Variants in HDAC4 observed in about 807,000 individuals in gnomAD.
The protein encoded by HDAC4 is histone deacetylase A.
HDAC4 carries 16 observed loss-of-function variants against 135.1 expected under a neutral mutation model. The observed-to-expected ratio is 0.12, with a 90% confidence interval of 0.08 to 0.18. The LOEUF (loss-of-function observed/expected upper bound fraction) is 0.18. HDAC4 is among the 10% of genes least tolerant of loss of function. The pLI is 1.00. For synonymous variants in HDAC4, 685 were observed against 653.4 expected (o/e 1.05, Z -0.74); for missense variants, 1,143 against 1,511.8 (o/e 0.76, Z 4.05).
intron 2 of HDAC4, among the ~76,000 whole-genome samples, chr2:239,292,238 C>A (rs116661852): frequency 0.018 from 2,762 of 152,370 alleles, 40 homozygotes; most frequent in Non-Finnish European, 0.027. Flanking sequence ...AATGCGCTGG[C>A]TCCCAGAGCA....
intron 3 of HDAC4, among the ~76,000 whole-genome samples, chr2:239,195,480 C>T (rs890904186): frequency 9.2e-5 from 14 of 152,330 alleles, no homozygotes; most frequent in East Asian, 1.9e-4. Context: ...GTCCCAGGCC[C>T]GGCCCCACAC....
intron 24 of HDAC4, among the ~76,000 whole-genome samples, chr2:239,056,528 T>A (rs190226248): frequency 2.6e-4 from 40 of 152,332 alleles, no homozygotes; most frequent in Non-Finnish European, 4.6e-4. Flanking sequence ...TATTGAAGCA[T>A]GACCCAAAGT....
Position 239,210,435 on chromosome 2 carries a change from C to A in HDAC4, c.95-20358G>T, listed in dbSNP as rs745563086. ...TATGCTGACTGAGGAAGCATACTTA[C>A]ACGGCAAAACTAGTTTTTTAAAGAA... On this transcript the variant is annotated intron_variant, in intron 3 of 26. Coordinates refer to ENST00000543185, the MANE Select transcript of HDAC4 (RefSeq NM_001378414.1). Among the ~76,000 whole-genome samples the A allele has an allele frequency of 6.2e-4, 95 of 152,330 alleles. 1 individual carries two copies. In the Middle Eastern group the frequency reaches 0.02, roughly 33 times the overall value.
chr2:239,378,645 C>T (rs965815218), intron 1 of HDAC4, among the ~76,000 whole-genome samples: 9 of 152,024 alleles, frequency 5.9e-5, no homozygotes, highest in Non-Finnish European at 1.5e-5. Flanking sequence ...CCAAGAACCC[C>T]GGGAACCAAT....
chr2:239,300,463 T>G (rs949238385), intron 2 of HDAC4, among the ~76,000 whole-genome samples: 2 of 152,220 alleles, frequency 1.3e-5, no homozygotes, highest in Non-Finnish European at 1.5e-5. Context: ...CGATGGGCAT[T>G]GCTGCTATGG....
At chr2:239,399,030 T>C (rs1426190014) in intron 1 of HDAC4, among the ~76,000 whole-genome samples, 1 of 152,240 alleles carries the variant, frequency 6.6e-6, no homozygotes, top group Admixed American at 6.5e-5. Context: ...TGTTGGGGTG[T>C]GTGTTTTTAA....
At chr2:239,324,815 G>A (rs6543524) in intron 2 of HDAC4, among the ~76,000 whole-genome samples, 83,061 of 152,132 alleles carry the variant, frequency 0.55, 23,028 homozygotes, top group African/African-American at 0.64. Flanking sequence ...CGACAGGGAC[G>A]GGAGCCAAAG....
rs952135564 is a variant in HDAC4 at position 239,158,090 on chromosome 2, G to T, written c.612-1317C>A. 2.0e-5 allele frequency among the ~76,000 whole-genome samples: 3 copies of T among 152,244 alleles called. No individual in the cohort carries two copies. The East Asian group carries it at 5.8e-4, about 29-fold the overall frequency. ...CACGCCTGTCTGCACCTGTGCAGGG[G>T]CTGTGGCCTCCAAGTGGGACCACGT... On this transcript the variant is annotated intron_variant, in intron 6 of 26. Transcript: ENST00000543185.
intron 12 of HDAC4, among the ~76,000 whole-genome samples, chr2:239,122,771 C>A (rs2039804077): frequency 6.6e-6 from 1 of 152,140 alleles, no homozygotes; most frequent in African/African-American, 2.4e-5. Flanking sequence ...CTTTTTTATT[C>A]ACAGTGATGT....
chr2:239,138,303 G>A (rs150226487), intron 9 of HDAC4, among the ~76,000 whole-genome samples: 2 of 152,136 alleles, frequency 1.3e-5, no homozygotes, highest in African/African-American at 4.8e-5. Context: ...GGCAAAATTC[G>A]TTCTGAGCAG....
At chr2:239,275,905 G>A (rs78747932) in intron 2 of HDAC4, among the ~76,000 whole-genome samples, 5,407 of 152,194 alleles carry the variant, frequency 0.036, 121 homozygotes, top group East Asian at 0.079. Flanking sequence ...CTCCTCTGTC[G>A]CCTGCCTCAT....
chr2:239,286,629 G>C (rs1045253874), intron 2 of HDAC4, among the ~76,000 whole-genome samples: 2 of 152,150 alleles, frequency 1.3e-5, no homozygotes, highest in African/African-American at 2.4e-5. Context: ...CAGACACAAA[G>C]GCAAACATAT....
chr2:239,116,800 G>A (rs2039176893), intron 12 of HDAC4, among the ~76,000 whole-genome samples: 3 of 152,224 alleles, frequency 2.0e-5, no homozygotes, highest in Middle Eastern at 3.4e-3. Flanking sequence ...TGCCACACTC[G>A]CCTCCAGCCC....
chr2:239,389,669 G>C (rs1696067504), intron 1 of HDAC4, among the ~76,000 whole-genome samples: 1 of 152,166 alleles, frequency 6.6e-6, no homozygotes, highest in Non-Finnish European at 1.5e-5. Context: ...CCCACACCAA[G>C]ACTATTCTGG....
intron 18 of HDAC4, 79 bp downstream of exon 18, chr2:239,089,930 G>A (rs367788687): frequency 8.5e-5 from 87 of 1,018,638 alleles, no homozygotes; most frequent in African/African-American, 1.3e-4. Flanking sequence ...AGAGGGAGAC[G>A]GAGTGGGCGG....
At chr2:239,379,569 C>T (rs1405374264) in intron 1 of HDAC4, among the ~76,000 whole-genome samples, 1 of 152,126 alleles carries the variant, frequency 6.6e-6, no homozygotes, top group Non-Finnish European at 1.5e-5. Context: ...GCCCAGTGCC[C>T]GCCCTGCTCT....
chr2:239,109,697 T>C (rs2038494744), intron 14 of HDAC4, among the ~76,000 whole-genome samples: 3 of 151,746 alleles, frequency 2.0e-5, no homozygotes, highest in East Asian at 1.9e-4. Context: ...TGTGTGGGCA[T>C]GGCTGTGCTT....
chr2:239,068,022 G>T lies in HDAC4; in HGVS notation c.2869+467C>A, dbSNP rs2033746079. Reference sequence around the variant, plus strand: ...GGCAGTCCCTCCTCCCATCCTGACAGCATGGCCCCTAACGCTGATCCTGAG... The same window carrying T: ...GGCAGTCCCTCCTCCCATCCTGACATCATGGCCCCTAACGCTGATCCTGAG... On this transcript the variant is annotated intron_variant, in intron 23 of 26. Transcript: ENST00000543185. The surrounding 1 kb of genome is among the most constrained non-coding windows in gnomAD (Gnocchi z 4.4). Among the ~76,000 whole-genome samples the T allele has an allele frequency of 6.6e-6, 1 of 152,322 alleles. No individual in the cohort carries two copies. The highest frequency in any genetic ancestry group is 2.4e-5 in the African/African-American group (1 of 41,586).
intron 24 of HDAC4, chr2:239,055,072 A>T: frequency 2.3e-6 from 1 of 443,780 alleles, no homozygotes; most frequent in Non-Finnish European, 4.2e-6. Context: ...TACAAGTAGC[A>T]GGAAGAAAGA....
Sources: gnomAD v4.1 joint callset for allele counts (sites outside exome capture counted in the v4.1 genomes callset) on GRCh38, gnomAD v4.1.1 for gene constraint, Gnocchi (gnomAD v3.1) non-coding constraint, MANE v1.5 for transcripts, NCBI Gene and HGNC (gene_info 2026-07-23, HGNC 2026-07-21) for gene names.